The following ERC1 variants were observed in gnomAD, a reference collection of about 807,000 sequenced individuals.
ERC1 encodes the protein ELKS/RAB6-interacting/CAST family member 1, also known as RAB6 interacting protein 2.
Under a neutral mutation model 132.0 loss-of-function variants are expected in ERC1, and 56 were observed. The ratio of observed to expected loss-of-function variants is 0.42; its 90% CI spans 0.34 to 0.53. The LOEUF is 0.53. ERC1 is among the 20% of genes least tolerant of loss of function. ERC1 has a pLI of 0.03. For missense variants in ERC1, 1,202 were observed against 1,349.9 expected, an observed-to-expected ratio of 0.89 and a Z score of 1.72; for synonymous variants, 478 against 476.1, an observed-to-expected ratio of 1.00 and a Z score of -0.05.
At chr12:1,064,867 T>C (rs1435602696) in intron 2 of ERC1, among the ~76,000 whole-genome samples, 1 of 152,248 alleles carries the variant, frequency 6.6e-6, no homozygotes, top group Non-Finnish European at 1.5e-5. Context: ...ATTAAACAGG[T>C]TGTCTATGCC....
At chr12:1,134,520 A>C (rs1462608399) in intron 7 of ERC1, among the ~76,000 whole-genome samples, 1 of 151,864 alleles carries the variant, frequency 6.6e-6, no homozygotes, top group Non-Finnish European at 1.5e-5. Context: ...CTAATTAAAA[A>C]AAATTTTTTT....
intron 18 of ERC1, among the ~76,000 whole-genome samples, chr12:1,478,577 A>G (rs2094020426): frequency 6.6e-6 from 1 of 152,022 alleles, no homozygotes; most frequent in Non-Finnish European, 1.5e-5. Flanking sequence ...GTGGATCACG[A>G]GGTCAGGAGA....
chr12:1,156,074 T>C (rs1180268151), intron 8 of ERC1, among the ~76,000 whole-genome samples: 1 of 152,030 alleles, frequency 6.6e-6, no homozygotes, highest in African/African-American at 2.4e-5. Flanking sequence ...AATCATACTT[T>C]TTATTAATTT....
At chr12:1,386,665 A>AAAAAAAAAC (rs1555385779) in intron 16 of ERC1, 2 of 75,758 alleles carry the variant, frequency 2.6e-5, no homozygotes, top group Non-Finnish European at 6.4e-5. Flanking sequence ...AAAAAAAAAA[A>AAAAAAAAAC]CATTAAAAAG....
At chr12:1,183,239 T>G (rs1415977614) in intron 10 of ERC1, 42 bp from the exon 11 acceptor site, 1 of 1,381,972 alleles carries the variant, frequency 7.2e-7, no homozygotes, top group Non-Finnish European at 9.7e-7. Context: ...ACCTCTATTT[T>G]TTTTAAAATT....
intron 15 of ERC1, among the ~76,000 whole-genome samples, chr12:1,354,090 T>C (rs2085294972): frequency 1.3e-5 from 2 of 151,978 alleles, no homozygotes; most frequent in Non-Finnish European, 2.9e-5. Context: ...CTTGGTGGTC[T>C]CATGTACTCC....
chr12:1,352,430 G>A (rs905214088), intron 15 of ERC1, among the ~76,000 whole-genome samples: 1 of 152,156 alleles, frequency 6.6e-6, no homozygotes, highest in Admixed American at 6.5e-5. Flanking sequence ...GGACCATCAG[G>A]CTGGAAAATT....
At chr12:1,247,300 AC>A (rs1370186462) in intron 13 of ERC1, among the ~76,000 whole-genome samples, 1 of 152,022 alleles carries the variant, frequency 6.6e-6, no homozygotes, top group African/African-American at 2.4e-5. Context: ...TGGTGGAAAA[AC>A]AATGAAAGTA....
At chr12:1,147,560 A>C (rs1950494726) in intron 8 of ERC1, among the ~76,000 whole-genome samples, 1 of 152,234 alleles carries the variant, frequency 6.6e-6, no homozygotes, top group Non-Finnish European at 1.5e-5. Flanking sequence ...GGTAAGAAAT[A>C]TGACCAGACA....
chr12:1,146,217 T>C (rs1053557958), intron 8 of ERC1, among the ~76,000 whole-genome samples: 32 of 152,062 alleles, frequency 2.1e-4, no homozygotes, highest in African/African-American at 6.8e-4. Flanking sequence ...GGGATGTGTT[T>C]CCATTTGTTT....
chr12:1,067,920 C>T (rs1939524048), intron 2 of ERC1, among the ~76,000 whole-genome samples: 1 of 136,784 alleles, frequency 7.3e-6, no homozygotes, highest in Admixed American at 8.3e-5. Flanking sequence ...TTCATTTTAG[C>T]CACTGCTTTT....
At chr12:1,198,685 A>G (rs1295841886) in intron 12 of ERC1, among the ~76,000 whole-genome samples, 1 of 152,186 alleles carries the variant, frequency 6.6e-6, no homozygotes. Context: ...TGCGGGCTGT[A>G]CAGGCTTCTG....
chr12:1,277,171 T>C (rs892468045), intron 14 of ERC1, among the ~76,000 whole-genome samples: 1 of 152,236 alleles, frequency 6.6e-6, no homozygotes, highest in African/African-American at 2.4e-5. Flanking sequence ...GTAGGCCCAC[T>C]GTTGTTGACC....
chr12:1,495,836 A>G lies in ERC1; in HGVS notation c.*5606A>G, dbSNP rs1191091428. ...TTACAAAGAAATTGTGTTATATTCAACTTTGCCTTGATAATTATTGTAAAC... is the reference window on the plus strand; with the variant it reads ...TTACAAAGAAATTGTGTTATATTCAGCTTTGCCTTGATAATTATTGTAAAC... On this transcript the variant is annotated 3_prime_UTR_variant, in exon 19 of 19. Coordinates refer to ENST00000360905, the MANE Select transcript of ERC1 (RefSeq NM_178040.4). 4.9e-6 allele frequency: 1 copy of G among 205,658 alleles called. No individual in the cohort carries two copies. Among genetic ancestry groups the G allele is most frequent in the Non-Finnish European group, 9.9e-6 (1 of 100,592 alleles). The allele number at this position is 205,658 out of a possible 1,614,324, so 12.7% of individuals were successfully genotyped here.
At chr12:1,195,807 TTGAA>T (rs80349129) in intron 12 of ERC1, among the ~76,000 whole-genome samples, 31,102 of 151,594 alleles carry the variant, frequency 0.21, 3,675 homozygotes, top group Non-Finnish European at 0.27. Context: ...TTAAGCCAGT[TTGAA>T]TGAGGATTCT....
intron 15 of ERC1, among the ~76,000 whole-genome samples, chr12:1,368,535 G>T (rs1228216650): frequency 2.6e-5 from 4 of 152,084 alleles, no homozygotes; most frequent in African/African-American, 9.7e-5. Flanking sequence ...TCTCAAGTGT[G>T]CCATGTAAAA....
At chr12:1,226,311 G>A (rs2074568713) in intron 12 of ERC1, among the ~76,000 whole-genome samples, 1 of 152,150 alleles carries the variant, frequency 6.6e-6, no homozygotes, top group African/African-American at 2.4e-5. Context: ...AAAATAGCAT[G>A]CATTTAAGTA....
At chr12:1,350,322 G>C (rs2154366264) in intron 15 of ERC1, among the ~76,000 whole-genome samples, 1 of 152,296 alleles carries the variant, frequency 6.6e-6, no homozygotes, top group Middle Eastern at 3.4e-3. Context: ...TTTTTAAGTT[G>C]TTCCAAGGCT....
At chr12:1,349,702 T>A (rs1196285986) in intron 15 of ERC1, among the ~76,000 whole-genome samples, 1 of 150,810 alleles carries the variant, frequency 6.6e-6, no homozygotes, top group Non-Finnish European at 1.5e-5. Context: ...TACCTTGGAA[T>A]GTGTTGGCCG....
Sources: gnomAD v4.1 joint callset for allele counts (sites outside exome capture counted in the v4.1 genomes callset) on GRCh38, gnomAD v4.1.1 for gene constraint, MANE v1.5 for transcripts, NCBI Gene and HGNC (gene_info 2026-07-23, HGNC 2026-07-21) for gene names.